The following USP34 variants were observed in gnomAD, a reference collection of about 807,000 sequenced individuals.
USP34 encodes ubiquitin carboxyl-terminal hydrolase 34.
Under a neutral mutation model 460.3 loss-of-function variants are expected in USP34, and 70 were observed. The ratio of observed to expected loss-of-function variants is 0.15; its 90% CI spans 0.13 to 0.19. The LOEUF is 0.19. USP34 is among the 10% of genes least tolerant of loss of function. The pLI is 1.00. For missense variants in USP34, 3,985 were observed against 4,236.2 expected, an observed-to-expected ratio of 0.94 and a Z score of 1.65; for synonymous variants, 1,647 against 1,405.3, an observed-to-expected ratio of 1.17 and a Z score of -3.85.
intron 5 of USP34, among the ~76,000 whole-genome samples, chr2:61,386,564 A>G (rs948132697): frequency 1.3e-5 from 2 of 151,894 alleles, no homozygotes; most frequent in African/African-American, 4.8e-5. Flanking sequence ...GCCGAGGCAG[A>G]TGGATCACAA....
intron 58 of USP34, 147 bp from the exon 59 acceptor site, chr2:61,229,780 A>T: frequency 4.9e-6 from 3 of 609,940 alleles, no homozygotes; most frequent in Non-Finnish European, 8.2e-6. Flanking sequence ...GAGTCTCAAC[A>T]ATGGACTAAG....
chr2:61,463,169 A>G (rs955136524), intron 1 of USP34, among the ~76,000 whole-genome samples: 8 of 152,098 alleles, frequency 5.3e-5, no homozygotes, highest in Non-Finnish European at 7.4e-5. Context: ...TCACTGCAGA[A>G]TAACAGTATT....
chr2:61,348,643 C>T (rs985655724), intron 14 of USP34, 113 bp downstream of exon 14: 15 of 1,449,256 alleles, frequency 1.0e-5, no homozygotes, highest in East Asian at 4.9e-5. Context: ...AAAAATATTA[C>T]GTAAAGGAGA....
intron 21 of USP34, among the ~76,000 whole-genome samples, chr2:61,321,513 ATG>A (rs1253127460): frequency 5.3e-5 from 8 of 152,166 alleles, no homozygotes; most frequent in Admixed American, 5.2e-4. Flanking sequence ...AGTATTTCTT[ATG>A]TCATCCTATT....
intron 69 of USP34, among the ~76,000 whole-genome samples, chr2:61,211,514 T>A (rs1687272167): frequency 6.6e-6 from 1 of 152,158 alleles, no homozygotes; most frequent in South Asian, 2.1e-4. Context: ...TAAATTGCCA[T>A]AAACAAGACT....
intron 10 of USP34, 129 bp downstream of exon 10, chr2:61,370,192 T>A: frequency 4.5e-6 from 4 of 884,590 alleles, no homozygotes; most frequent in Non-Finnish European, 6.9e-6. Flanking sequence ...GAAGCCAGAT[T>A]TCAGTCCCAG....
At chr2:61,327,661 A>C (rs1188311082) in intron 20 of USP34, among the ~76,000 whole-genome samples, 2 of 152,076 alleles carry the variant, frequency 1.3e-5, no homozygotes, top group Non-Finnish European at 2.9e-5. Flanking sequence ...GGGACTAATA[A>C]CCCTGAAGGC....
At chr2:61,358,820 G>C (rs1412830858) in intron 10 of USP34, among the ~76,000 whole-genome samples, 1 of 152,062 alleles carries the variant, frequency 6.6e-6, no homozygotes, top group East Asian at 1.9e-4. Flanking sequence ...CTATACACTA[G>C]AAATGAACAA....
At chr2:61,382,980 CAG>C (rs1284273843) in intron 6 of USP34, among the ~76,000 whole-genome samples, 1 of 152,166 alleles carries the variant, frequency 6.6e-6, no homozygotes, top group African/African-American at 2.4e-5. Context: ...TAGAACGTAA[CAG>C]ACACTTACTG....
chr2:61,272,836 G>T (rs1044773850), intron 41 of USP34, among the ~76,000 whole-genome samples: 1 of 152,214 alleles, frequency 6.6e-6, no homozygotes, highest in African/African-American at 2.4e-5. Flanking sequence ...TGAAGAAATG[G>T]AAAGAGTTAA....
chr2:61,409,525 C>A (rs972579968), intron 2 of USP34, among the ~76,000 whole-genome samples: 1 of 152,034 alleles, frequency 6.6e-6, no homozygotes, highest in Non-Finnish European at 1.5e-5. Context: ...ACCAGCCTGG[C>A]CAACATCGTG....
At chr2:61,215,172 T>C (rs1558470308) in intron 67 of USP34, among the ~76,000 whole-genome samples, 1 of 152,166 alleles carries the variant, frequency 6.6e-6, no homozygotes, top group Non-Finnish European at 1.5e-5. Context: ...ATACTTGTTA[T>C]AAAGAAAGAA....
chr2:61,285,043 G>T, intron 34 of USP34, 86 bp from the exon 35 acceptor site: 1 of 1,022,606 alleles, frequency 9.8e-7, no homozygotes, highest in Non-Finnish European at 1.4e-6. Context: ...TTACTAAAGA[G>T]ATGTGTATTA....
At chr2:61,366,392 C>T (rs930267253) in intron 10 of USP34, among the ~76,000 whole-genome samples, 11 of 152,080 alleles carry the variant, frequency 7.2e-5, no homozygotes, top group African/African-American at 9.7e-5. Context: ...GAGATGGAGA[C>T]GGGACTTAAA....
intron 3 of USP34, among the ~76,000 whole-genome samples, chr2:61,403,683 A>C (rs1316507783): frequency 6.6e-6 from 1 of 152,080 alleles, no homozygotes; most frequent in Non-Finnish European, 1.5e-5. Flanking sequence ...GGAGTGAGTG[A>C]AAGTTTATCA....
chr2:61,462,716 C>T (rs1317680959), intron 1 of USP34, among the ~76,000 whole-genome samples: 1 of 151,864 alleles, frequency 6.6e-6, no homozygotes, highest in Non-Finnish European at 1.5e-5. Flanking sequence ...CAAAAATTAG[C>T]CCGGCATGAT....
intron 38 of USP34, among the ~76,000 whole-genome samples, chr2:61,280,765 T>C (rs1157482485): frequency 6.6e-6 from 1 of 152,180 alleles, no homozygotes; most frequent in East Asian, 1.9e-4. Context: ...AAACTGTGAC[T>C]TACTAGAGAA....
chr2:61,193,101 A>AC lies in USP34; in HGVS notation c.9509-122_9509-121insG, dbSNP rs1686688302. 13 of 756,206 alleles carry AC rather than the reference A, an allele frequency of 1.7e-5. 1 individual carries two copies. In the South Asian group the frequency reaches 2.7e-4, roughly 15 times the overall value. 46.8% of individuals were successfully genotyped at this position (756,206 alleles called of 1,614,324 possible). On this transcript the variant is annotated intron_variant, in intron 75 of 79. Coordinates refer to ENST00000398571, the MANE Select transcript of USP34 (RefSeq NM_014709.4). ...CATAACTGCATATTTTCTATATTTTAAAGTACATAAAGGGGAAAAATTCAT... is the reference window on the plus strand; with the variant it reads ...CATAACTGCATATTTTCTATATTTTACAAGTACATAAAGGGGAAAAATTCAT...
intron 10 of USP34, among the ~76,000 whole-genome samples, chr2:61,361,918 G>T (rs1329314007): frequency 1.3e-5 from 2 of 151,916 alleles, no homozygotes; most frequent in African/African-American, 4.8e-5. Flanking sequence ...GTATTGATTA[G>T]GGGTTAATAT....
Sources: gnomAD v4.1 joint callset for allele counts (sites outside exome capture counted in the v4.1 genomes callset) on GRCh38, gnomAD v4.1.1 for gene constraint, MANE v1.5 for transcripts, NCBI Gene and HGNC (gene_info 2026-07-23, HGNC 2026-07-21) for gene names.